Variants in OXR1 observed in about 807,000 individuals in gnomAD.
OXR1 encodes oxidation resistance 1.
In OXR1, 41 loss-of-function variants were observed where a neutral mutation model predicts 104.6. The ratio of observed to expected loss-of-function variants is 0.39; its 90% CI spans 0.31 to 0.51. The LOEUF (loss-of-function observed/expected upper bound fraction) is 0.51. OXR1 is among the 20% of genes least tolerant of loss of function. The pLI, the probability that OXR1 is intolerant of heterozygous loss-of-function variation, is 0.77. For synonymous variants in OXR1, 348 were observed against 348.4 expected, an observed-to-expected ratio of 1.00 and a Z score of 0.01; for missense variants, 955 against 1,031.9, an observed-to-expected ratio of 0.93 and a Z score of 1.02.
chr8:106,270,522 G>A (rs1811751465), intron 1 of OXR1, among the ~76,000 whole-genome samples, 155 bp downstream of exon 1: 1 of 152,212 alleles, frequency 6.6e-6, no homozygotes. Flanking sequence ...CAATTTGAAA[G>A]CGGGTGGCCA....
At chr8:106,484,502 A>G (rs1470728314) in intron 2 of OXR1, among the ~76,000 whole-genome samples, 1 of 152,102 alleles carries the variant, frequency 6.6e-6, no homozygotes, top group Non-Finnish European at 1.5e-5. Flanking sequence ...CCAATTAAAA[A>G]TGGGTCAAAG....
intron 3 of OXR1, among the ~76,000 whole-genome samples, chr8:106,574,848 G>A (rs7815303): frequency 0.71 from 108,084 of 152,152 alleles, 38,606 homozygotes; most frequent in Admixed American, 0.77. Context: ...TACTTCTGAT[G>A]TTTTTGAATG....
intron 2 of OXR1, among the ~76,000 whole-genome samples, chr8:106,436,122 A>T (rs1282153994): frequency 6.6e-6 from 1 of 152,128 alleles, no homozygotes; most frequent in Non-Finnish European, 1.5e-5. Context: ...TCATAAAAAA[A>T]ATTAGAGCTA....
At chr8:106,744,478 AC>A (rs1212278922) in intron 15 of OXR1, among the ~76,000 whole-genome samples, 2 of 152,218 alleles carry the variant, frequency 1.3e-5, no homozygotes, top group East Asian at 3.8e-4. Flanking sequence ...CATTATCATT[AC>A]TATTCTGTTT....
chr8:106,531,292 A>G (rs1410215481), intron 3 of OXR1, among the ~76,000 whole-genome samples: 1 of 152,212 alleles, frequency 6.6e-6, no homozygotes. Flanking sequence ...TGAATGAATT[A>G]TTATATTTAT....
intron 3 of OXR1, among the ~76,000 whole-genome samples, chr8:106,556,921 C>T (rs1447671740): frequency 6.6e-6 from 1 of 152,210 alleles, no homozygotes; most frequent in Non-Finnish European, 1.5e-5. Flanking sequence ...GCCGTGGCTT[C>T]TTGCTCTCAT....
At chr8:106,348,736 C>G (rs751733451) in intron 1 of OXR1, among the ~76,000 whole-genome samples, 1 of 151,830 alleles carries the variant, frequency 6.6e-6, no homozygotes, top group Non-Finnish European at 1.5e-5. Context: ...AGTTTTGAAC[C>G]GAGAATTCTG....
At chr8:106,586,152 C>T (rs896139031) in intron 3 of OXR1, among the ~76,000 whole-genome samples, 1 of 151,976 alleles carries the variant, frequency 6.6e-6, no homozygotes, top group African/African-American at 2.4e-5. Flanking sequence ...GGAAGCAGAC[C>T]AGTTAGGAAG....
At chr8:106,441,087 A>C (rs1819762135) in intron 2 of OXR1, among the ~76,000 whole-genome samples, 1 of 152,046 alleles carries the variant, frequency 6.6e-6, no homozygotes. Flanking sequence ...TCTTGGGTTA[A>C]TTTTTGTGTA....
intron 7 of OXR1, chr8:106,697,369 A>G (rs1335501894): frequency 8.6e-6 from 10 of 1,162,426 alleles, no homozygotes; most frequent in South Asian, 5.8e-5. Flanking sequence ...TAAAATATAT[A>G]TCTACATGTA....
intron 7 of OXR1, 76 bp from the exon 8 acceptor site, chr8:106,702,830 A>T: frequency 8.8e-7 from 1 of 1,129,950 alleles, no homozygotes; most frequent in Non-Finnish European, 1.3e-6. Flanking sequence ...ATCAGAAGAA[A>T]ATTAGTAAAA....
chr8:106,498,951 G>A (rs1298343490), intron 2 of OXR1, among the ~76,000 whole-genome samples: 1 of 16,998 alleles, frequency 5.9e-5, no homozygotes, highest in Admixed American at 6.0e-4. Flanking sequence ...TCATGAGGTC[G>A]GGAGATCGAG....
chr8:106,692,797 G>A lies in OXR1; in HGVS notation c.595G>A (p.Val199Ile), dbSNP rs143937794. Residue 199 changes from valine (V) to isoleucine (I), a missense_variant, in exon 7 of 17, where the codon GTA becomes ATA. By Grantham distance (29) the Val-to-Ile change is conservative. Coordinates refer to ENST00000517566, the MANE Select transcript of OXR1 (RefSeq NM_001198533.2). Reference sequence around the variant, plus strand: ...CACTGGTATTCGACCTGCACGAGTTGTATCTTCAACTTCTGAGGAGGAGGA... The same window carrying A: ...CACTGGTATTCGACCTGCACGAGTTATATCTTCAACTTCTGAGGAGGAGGA... Reference protein sequence around the residue: ...TFTGIRPARVVSSTSEEEEAF... With the variant: ...TFTGIRPARVISSTSEEEEAF... 4 of 1,603,930 alleles carry A rather than the reference G, an allele frequency of 2.5e-6. No individual in the cohort carries two copies. Among genetic ancestry groups the A allele is most frequent in the Non-Finnish European group, 3.4e-6 (4 of 1,173,430 alleles).
chr8:106,456,190 C>T (rs1789973), intron 2 of OXR1, among the ~76,000 whole-genome samples: 77,483 of 152,018 alleles, frequency 0.51, 22,481 homozygotes, highest in African/African-American at 0.78. Context: ...ATGTGAGTCA[C>T]CATAGGTCAC....
chr8:106,598,297 A>G (rs1819679839), intron 3 of OXR1, among the ~76,000 whole-genome samples: 1 of 152,160 alleles, frequency 6.6e-6, no homozygotes, highest in Non-Finnish European at 1.5e-5. Context: ...CTGAAAGTTT[A>G]ATGTCTTATA....
chr8:106,465,193 T>G (rs963599570), intron 2 of OXR1, among the ~76,000 whole-genome samples: 1 of 151,442 alleles, frequency 6.6e-6, no homozygotes. Flanking sequence ...AGTGAGGGAG[T>G]TAGCTGTGGA....
At chr8:106,344,787 C>A (rs1310738359) in intron 1 of OXR1, among the ~76,000 whole-genome samples, 1 of 152,170 alleles carries the variant, frequency 6.6e-6, no homozygotes, top group Admixed American at 6.5e-5. Context: ...GTATTCCTTT[C>A]CAGTCTTACA....
intron 2 of OXR1, among the ~76,000 whole-genome samples, chr8:106,397,306 G>A (rs565931517): frequency 6.4e-4 from 98 of 152,232 alleles, no homozygotes; most frequent in African/African-American, 2.3e-3. Context: ...CCCTAGGAAG[G>A]TGGGGTAAGG....
At chr8:106,558,960 G>A (rs542087329) in intron 3 of OXR1, among the ~76,000 whole-genome samples, 1 of 152,298 alleles carries the variant, frequency 6.6e-6, no homozygotes, top group Admixed American at 6.5e-5. Context: ...TAGTGATGGT[G>A]TCTTTTCCTG....
Sources: gnomAD v4.1 joint callset for allele counts (sites outside exome capture counted in the v4.1 genomes callset) on GRCh38, gnomAD v4.1.1 for gene constraint, MANE v1.5 for transcripts, NCBI Gene and HGNC (gene_info 2026-07-23, HGNC 2026-07-21) for gene names.